The following TANC1 variants were observed in gnomAD, a reference collection of about 807,000 sequenced individuals.
TANC1 encodes tetratricopeptide repeat, ankyrin repeat and coiled-coil containing 1.
Under a neutral mutation model 149.7 loss-of-function variants are expected in TANC1, and 77 were observed. That is an observed-to-expected ratio of 0.51 (90% confidence interval 0.43 to 0.62). The LOEUF (loss-of-function observed/expected upper bound fraction) is 0.62, where lower values mean the gene tolerates loss of function less well. Among genes scored for constraint, TANC1 ranks in the 20% least tolerant of loss-of-function variants. TANC1 has a pLI of 0.00. For missense variants in TANC1, 1,985 were observed against 2,321.8 expected (o/e 0.85, Z 2.98); for synonymous variants, 854 against 925.0 (o/e 0.92, Z 1.39).
chr2:159,178,414 C>A, intron 13 of TANC1, 142 bp from the exon 14 acceptor site: 1 of 963,566 alleles, frequency 1.0e-6, no homozygotes, highest in Non-Finnish European at 1.5e-6. Flanking sequence ...TCCTATTACA[C>A]GTTTTAATAC....
At chr2:159,158,169 A>G (rs1374721903) in intron 7 of TANC1, among the ~76,000 whole-genome samples, 2 of 152,096 alleles carry the variant, frequency 1.3e-5, no homozygotes, top group East Asian at 3.8e-4. Context: ...CAGCCTGGGC[A>G]ACATAGGGAG....
At chr2:159,088,582 A>G (rs535163520) in intron 3 of TANC1, among the ~76,000 whole-genome samples, 43 of 152,346 alleles carry the variant, frequency 2.8e-4, no homozygotes, top group African/African-American at 9.1e-4. Context: ...GTATAGCTCA[A>G]GCTTGTCCAA....
intron 2 of TANC1, among the ~76,000 whole-genome samples, chr2:159,017,268 C>A (rs2149405558): frequency 6.6e-6 from 1 of 152,248 alleles, no homozygotes; most frequent in Admixed American, 6.5e-5. Flanking sequence ...CCAGGTAGTT[C>A]TTGAGTTTGG....
chr2:159,025,178 CTTTT>C (rs1317950667), intron 2 of TANC1, among the ~76,000 whole-genome samples: 1 of 100,656 alleles, frequency 9.9e-6, no homozygotes, highest in Admixed American at 9.4e-5. Context: ...TTCTTTCTTT[CTTTT>C]TCTTTCTTTT....
At chr2:159,037,204 G>A (rs1342717343) in intron 2 of TANC1, among the ~76,000 whole-genome samples, 1 of 152,004 alleles carries the variant, frequency 6.6e-6, no homozygotes, top group Admixed American at 6.6e-5. Context: ...TTTTTGATGG[G>A]GTTGTTTGAT....
intron 11 of TANC1, among the ~76,000 whole-genome samples, chr2:159,174,479 C>G (rs1040082824): frequency 3.9e-5 from 6 of 152,184 alleles, no homozygotes; most frequent in Non-Finnish European, 7.3e-5. Flanking sequence ...GGAGAAGGAG[C>G]TGCTGTGACT....
In TANC1 at chr2:159,230,969, C is replaced by A; in HGVS notation, c.5543C>A (p.Thr1848Asn). The A allele has an allele frequency of 6.2e-7, 1 of 1,613,974 alleles. No homozygotes were observed. Among genetic ancestry groups the A allele is most frequent in the Non-Finnish European group, 8.5e-7 (1 of 1,179,986 alleles). Residue 1848 changes from threonine to asparagine, a missense_variant, in exon 27 of 27, where the codon ACT (threonine) becomes AAT (asparagine). Physicochemically the swap from Thr to Asn is moderately conservative, Grantham distance 65. Coordinates refer to ENST00000263635, the MANE Select transcript of TANC1 (RefSeq NM_033394.3). This position sits in a 1 kb window ranked among gnomAD's most constrained non-coding sequence, Gnocchi z 4.4. ...AATGAAGCCCACAGGAGCCACCTCA[C>A]TGCAGCCAAACCAAAGCGATCATTT... is the stretch of plus-strand genomic sequence containing the variant. Reference protein sequence around the residue: ...ISNEAHRSHLTAAKPKRSFIE... With the variant: ...ISNEAHRSHLNAAKPKRSFIE...
intron 25 of TANC1, 51 bp downstream of exon 25, chr2:159,228,016 C>T (rs762939152): frequency 3.7e-5 from 59 of 1,587,370 alleles, no homozygotes; most frequent in Non-Finnish European, 4.5e-5. Context: ...CAGAGCCCTT[C>T]TCCAGCAGTG....
intron 2 of TANC1, among the ~76,000 whole-genome samples, chr2:159,035,530 T>C (rs2040117895): frequency 6.6e-6 from 1 of 152,212 alleles, no homozygotes; most frequent in South Asian, 2.1e-4. Context: ...TCTCAAGGCA[T>C]AGTTTCTTTT....
Position 159,097,712 on chromosome 2 carries a change from C to T in TANC1, c.137C>T (p.Pro46Leu), listed in dbSNP as rs760204212. The change falls in exon 4 of 27, where the codon CCC (proline) becomes CTC (leucine). Residue 46 changes from proline (P) to leucine (L), a missense_variant. Around this residue, in one of 3 missense-constraint regions of TANC1, gnomAD observed 557 missense variants for 612.9 expected, o/e 0.91. Transcript: ENST00000263635. ...GCTGACTCTCCTGTGAGCAGTCTTC[C>T]CACAGCAGAGGACACCTATAGGGTG... Reference protein sequence around the residue: ...HSADSPVSSLPTAEDTYRVSL... With the variant: ...HSADSPVSSLLTAEDTYRVSL... The T allele has an allele frequency of 1.4e-5, 22 of 1,614,006 alleles. No individual in the cohort carries two copies. Among genetic ancestry groups the T allele is most frequent in the Non-Finnish European group, 1.8e-5 (21 of 1,180,006 alleles).
intron 3 of TANC1, among the ~76,000 whole-genome samples, chr2:159,097,253 C>T (rs924094160): frequency 6.6e-6 from 1 of 152,156 alleles, no homozygotes; most frequent in African/African-American, 2.4e-5. Context: ...GGGTTGGTAT[C>T]TGAATCTGTT....
At chr2:159,177,196 C>T (rs976939884) in intron 13 of TANC1, among the ~76,000 whole-genome samples, 2 of 152,158 alleles carry the variant, frequency 1.3e-5, no homozygotes, top group Non-Finnish European at 2.9e-5. Context: ...AGGCATGAGC[C>T]ACTGTGCCTG....
At position 159,230,871 on chromosome 2, in the gene TANC1, A is replaced by G; in HGVS notation, c.5445A>G (p.Gln1815=). 6.2e-7 allele frequency: 1 copy of G among 1,614,214 alleles called. No individual in the cohort carries two copies. The highest frequency in any genetic ancestry group is 8.5e-7 in the Non-Finnish European group (1 of 1,180,022). The change falls in exon 27 of 27, where the codon CAA becomes CAG. Residue 1815 remains glutamine (Q), a synonymous_variant. Coordinates refer to ENST00000263635, the MANE Select transcript of TANC1 (RefSeq NM_033394.3). The surrounding 1 kb of genome is among the most constrained non-coding windows in gnomAD (Gnocchi z 4.4). ...ESKCQIPVHS[Q]ENRITKTVSH... is the part of the protein sequence containing the mutation. ...AGTGCCAAATTCCAGTCCACTCTCAAGAGAACAGGATAACTAAGACTGTTT... is the reference window on the plus strand; with the variant it reads ...AGTGCCAAATTCCAGTCCACTCTCAGGAGAACAGGATAACTAAGACTGTTT...
At chr2:159,013,738 A>G (rs1236201476) in intron 2 of TANC1, among the ~76,000 whole-genome samples, 1 of 152,186 alleles carries the variant, frequency 6.6e-6, no homozygotes, top group Non-Finnish European at 1.5e-5. Context: ...CTGAGGTCAC[A>G]TAATTGGTAA....
chr2:159,057,946 A>G (rs1015534303), intron 2 of TANC1, among the ~76,000 whole-genome samples: 2 of 152,180 alleles, frequency 1.3e-5, no homozygotes, highest in African/African-American at 4.8e-5. Flanking sequence ...TTTGTCTTCT[A>G]GTTAGCCGTG....
intron 3 of TANC1, among the ~76,000 whole-genome samples, chr2:159,085,319 A>G (rs1204797141): frequency 2.0e-5 from 3 of 152,170 alleles, no homozygotes; most frequent in South Asian, 2.1e-4. Context: ...ACGATGAGCT[A>G]AAGAACTCTC....
chr2:159,179,947 C>T (rs17493972), intron 14 of TANC1, among the ~76,000 whole-genome samples: 4,418 of 152,248 alleles, frequency 0.029, 85 homozygotes, highest in Non-Finnish European at 0.046. Flanking sequence ...CGAGTGGCTT[C>T]GGCTATCTGT....
intron 20 of TANC1, among the ~76,000 whole-genome samples, chr2:159,219,002 A>G (rs2059520205): frequency 6.6e-6 from 1 of 152,204 alleles, no homozygotes; most frequent in Non-Finnish European, 1.5e-5. Context: ...TGGTATGTGT[A>G]TATTTAGTTG....
intron 2 of TANC1, among the ~76,000 whole-genome samples, chr2:159,031,988 G>C (rs781513411): frequency 3.3e-5 from 5 of 152,136 alleles, no homozygotes; most frequent in African/African-American, 9.7e-5. Flanking sequence ...CTACAGAAAC[G>C]CTTAGGCTGT....
Sources: allele counts gnomAD v4.1 joint callset (sites outside exome capture counted in the v4.1 genomes callset), GRCh38; gene constraint gnomAD v4.1.1; regional missense constraint gnomAD v4.1.1; non-coding constraint Gnocchi (gnomAD v3.1); transcripts MANE v1.5; gene names NCBI Gene and HGNC (gene_info 2026-07-23, HGNC 2026-07-21).